Variants in AKAP10 observed in about 807,000 individuals in gnomAD.
AKAP10 encodes the protein A-kinase anchor protein 10, mitochondrial.
Under a neutral mutation model 80.8 loss-of-function variants are expected in AKAP10, and 24 were observed. The ratio of observed to expected loss-of-function variants is 0.30; its 90% CI spans 0.22 to 0.42. The LOEUF (loss-of-function observed/expected upper bound fraction) is 0.42, where lower values mean the gene tolerates loss of function less well. Ranked by LOEUF, AKAP10 falls within the 10% of genes least tolerant of loss-of-function variation. AKAP10 has a pLI of 1.00. For missense variants in AKAP10, 661 were observed against 794.9 expected (o/e 0.83, Z 2.03); for synonymous variants, 291 against 277.7 (o/e 1.05, Z -0.48).
intron 1 of AKAP10, among the ~76,000 whole-genome samples, chr17:19,970,889 A>G (rs2043488226): frequency 1.3e-5 from 2 of 151,998 alleles, no homozygotes; most frequent in Admixed American, 6.6e-5. Context: ...GACTATGACC[A>G]CATACAAATA....
chr17:19,921,777 CT>C (rs2042820173), intron 11 of AKAP10, among the ~76,000 whole-genome samples: 1 of 152,038 alleles, frequency 6.6e-6, no homozygotes, highest in Non-Finnish European at 1.5e-5. Flanking sequence ...GAGGGAAAAA[CT>C]GCAAATGACT....
intron 1 of AKAP10, among the ~76,000 whole-genome samples, chr17:19,972,306 T>C (rs2152419830): frequency 6.6e-6 from 1 of 152,322 alleles, no homozygotes; most frequent in South Asian, 2.1e-4. Flanking sequence ...TTGGTCATTT[T>C]GGCTTCCTCT....
rs2043119589 is a variant in AKAP10 at position 19,946,253 on chromosome 17, ATATATATATATATATATATATATTTT to A, written c.976+1128_976+1153del. Among the ~76,000 whole-genome samples, 3 of 20,820 alleles carry A rather than the reference ATATATATATATATATATATATATTTT, an allele frequency of 1.4e-4. 1 individual carries two copies. Among genetic ancestry groups the A allele is most frequent in the African/African-American group, 5.8e-4 (3 of 5,130 alleles). The allele number at this position is 20,820 out of a possible 152,430, so 13.7% of individuals were successfully genotyped here. On this transcript the variant is annotated intron_variant, in intron 5 of 14. Transcript: ENST00000225737. ...ATATATATATTATATATATATATAT[ATATATATATATATATATATATATTTT>A]TTTTTTTTTTTTTTTTTTTTGGCAG...
At chr17:19,937,313 C>A (rs544308542) in intron 8 of AKAP10, among the ~76,000 whole-genome samples, 1 of 152,220 alleles carries the variant, frequency 6.6e-6, no homozygotes, top group South Asian at 2.1e-4. Flanking sequence ...ACCGGCCTGG[C>A]CAACATGGTG....
Position 19,924,580 on chromosome 17 carries a change from C to T in AKAP10, c.1642-63G>A, listed in dbSNP as rs910220701. 15 of 1,038,804 alleles carry T rather than the reference C, an allele frequency of 1.4e-5. No individual in the cohort carries two copies. In the African/African-American group the frequency reaches 1.8e-4, roughly 13 times the overall value. The allele number at this position is 1,038,804 out of a possible 1,614,324, so 64.3% of individuals were successfully genotyped here. Reference sequence around the variant, plus strand: ...AATCAGTCCTGGGCTTGGAATGTGACAGATTTGTACAAAATTTTCTTCAGT... The same window carrying T: ...AATCAGTCCTGGGCTTGGAATGTGATAGATTTGTACAAAATTTTCTTCAGT... On this transcript the variant is annotated intron_variant, in intron 10 of 14. Coordinates refer to ENST00000225737, the MANE Select transcript of AKAP10 (RefSeq NM_007202.4).
intron 10 of AKAP10, among the ~76,000 whole-genome samples, chr17:19,927,556 T>C (rs2042888167): frequency 6.6e-6 from 1 of 151,980 alleles, no homozygotes; most frequent in Admixed American, 6.6e-5. Flanking sequence ...CCCCACACTT[T>C]GGGAGGCCAA....
intron 11 of AKAP10, 140 bp from the exon 12 acceptor site, chr17:19,920,258 G>C (rs914061604): frequency 8.5e-6 from 5 of 589,018 alleles, no homozygotes; most frequent in Non-Finnish European, 1.5e-5. Flanking sequence ...TTTAAAGTAG[G>C]GATTATTTGA....
At position 19,945,918 on chromosome 17, in the gene AKAP10, GT is replaced by G. The variant is rs200205069; in HGVS notation, c.976+1488del. Among the ~76,000 whole-genome samples the G allele has an allele frequency of 1.6e-3, 240 of 151,626 alleles. 1 individual carries two copies. The highest frequency in any genetic ancestry group is 3.2e-3 in the Admixed American group (49 of 15,176). On this transcript the variant is annotated intron_variant, in intron 5 of 14. Coordinates refer to ENST00000225737, the MANE Select transcript of AKAP10 (RefSeq NM_007202.4). ...AATGAATAAATAACCTCTTTTATCT[GT>G]GAATATACGTTCACCTAAGGTCTTC...
chr17:19,915,530 A>G (rs185041565), intron 12 of AKAP10, among the ~76,000 whole-genome samples: 7 of 152,346 alleles, frequency 4.6e-5, no homozygotes, highest in African/African-American at 1.7e-4. Flanking sequence ...ACCAAAAAAT[A>G]CTTGACTTAA....
chr17:19,936,435 G>A lies in AKAP10; in HGVS notation c.1323-5C>T. On this transcript the variant is annotated splice_polypyrimidine_tract_variant and splice_region_variant and intron_variant, in intron 8 of 14. Coordinates refer to ENST00000225737, the MANE Select transcript of AKAP10 (RefSeq NM_007202.4). ...GTGGCTTGGAGGGAGAAGTACCTAT[G>A]GTAAAAAGATATCCGAAGTAAAATC... The A allele has an allele frequency of 6.3e-7, 1 of 1,592,328 alleles. No individual in the cohort carries two copies. The highest frequency in any genetic ancestry group is 1.1e-5 in the South Asian group (1 of 89,252).
At chr17:19,934,014 C>T (rs974997644) in intron 9 of AKAP10, among the ~76,000 whole-genome samples, 1 of 152,156 alleles carries the variant, frequency 6.6e-6, no homozygotes, top group African/African-American at 2.4e-5. Context: ...CTCTGCCTCC[C>T]GGGTTCAAGA....
chr17:19,925,131 G>T (rs1045763623), intron 10 of AKAP10, among the ~76,000 whole-genome samples: 1 of 152,008 alleles, frequency 6.6e-6, no homozygotes, highest in South Asian at 2.1e-4. Flanking sequence ...ACCACTGCAC[G>T]CTGGCCTGGG....
At chr17:19,938,877 C>T (rs1353933154) in intron 8 of AKAP10, among the ~76,000 whole-genome samples, 3 of 151,872 alleles carry the variant, frequency 2.0e-5, no homozygotes, top group South Asian at 4.1e-4. Context: ...GGACAACAGG[C>T]GCACGCCATC....
Position 19,936,364 on chromosome 17 carries a change from G to A in AKAP10, c.1389C>T (p.Ser463=). ...GTGGCCCACCTTCCCTGCAGATATTGGATTCAATTTCTAATCGTACAACAT... is the reference window on the plus strand; with the variant it reads ...GTGGCCCACCTTCCCTGCAGATATTAGATTCAATTTCTAATCGTACAACAT... The part of the protein sequence containing the change: ...FDDVVRLEIE[S]NICREGGPLP... The change falls in exon 9 of 15, where the codon TCC becomes TCT. Residue 463 remains serine, a synonymous_variant. Coordinates refer to ENST00000225737, the MANE Select transcript of AKAP10 (RefSeq NM_007202.4). The A allele has an allele frequency of 6.2e-7, 1 of 1,613,616 alleles. No individual in the cohort carries two copies. The highest frequency in any genetic ancestry group is 8.5e-7 in the Non-Finnish European group (1 of 1,179,688).
At chr17:19,916,685 C>A (rs915715335) in intron 12 of AKAP10, among the ~76,000 whole-genome samples, 6 of 147,048 alleles carry the variant, frequency 4.1e-5, no homozygotes, top group African/African-American at 1.5e-4. Context: ...CACCTGTAAT[C>A]CCAGCACTTT....
At chr17:19,947,362 ATT>A in intron 5 of AKAP10, 43 bp downstream of exon 5, 1 of 1,450,166 alleles carries the variant, frequency 6.9e-7, no homozygotes, top group Non-Finnish European at 9.6e-7. Context: ...AGTTCTGTGC[ATT>A]TTTTGTCATT....
chr17:19,946,087 TTTGA>T (rs1452088302), intron 5 of AKAP10, among the ~76,000 whole-genome samples: 2 of 139,774 alleles, frequency 1.4e-5, no homozygotes, highest in South Asian at 2.2e-4. Context: ...TCTGAGATAC[TTTGA>T]TTTTTTTATT....
At chr17:19,918,224 CAAAAAA>C (rs559332326) in intron 12 of AKAP10, among the ~76,000 whole-genome samples, 1 of 86,052 alleles carries the variant, frequency 1.2e-5, no homozygotes, top group African/African-American at 4.0e-5. Flanking sequence ...CCGTCTCAAA[CAAAAAA>C]AAAAAAAAAA....
At chr17:19,918,042 A>C (rs2042767633) in intron 12 of AKAP10, among the ~76,000 whole-genome samples, 1 of 151,848 alleles carries the variant, frequency 6.6e-6, no homozygotes, top group African/African-American at 2.4e-5. Context: ...CAACATGGTG[A>C]AACCCTGTCT....
Sources: gnomAD v4.1 joint callset for allele counts (sites outside exome capture counted in the v4.1 genomes callset) on GRCh38, gnomAD v4.1.1 for gene constraint, MANE v1.5 for transcripts, NCBI Gene and HGNC (gene_info 2026-07-23, HGNC 2026-07-21) for gene names.